Variants in CLVS1 observed in about 807,000 individuals in gnomAD.
CLVS1 encodes the protein clavesin-1.
In CLVS1, 10 loss-of-function variants were observed where a neutral mutation model predicts 33.1. The observed-to-expected ratio is 0.30, with a 90% CI of 0.19 to 0.51. The LOEUF (loss-of-function observed/expected upper bound fraction) is 0.51. CLVS1 is among the 20% of genes least tolerant of loss of function. The pLI, the probability that CLVS1 is intolerant of heterozygous loss-of-function variation, is 0.97. For missense variants in CLVS1, 343 were observed against 433.4 expected (o/e 0.79, Z 1.85); for synonymous variants, 163 against 166.1 (o/e 0.98, Z 0.14).
At chr8:60,965,519 T>C in the CLVS1 span, among the ~76,000 whole-genome samples, 4 of 151,794 alleles carry the variant, frequency 2.6e-5, no homozygotes, top group South Asian at 8.4e-4. Context: ...TAGATGACAG[T>C]GGAAGAGCAC....
At chr8:61,399,887 G>T (rs928598864) in intron 3 of CLVS1, among the ~76,000 whole-genome samples, 1 of 152,124 alleles carries the variant, frequency 6.6e-6, no homozygotes, top group Non-Finnish European at 1.5e-5. Context: ...ATGTTCCATT[G>T]CTCTATGTGT....
the CLVS1 span, among the ~76,000 whole-genome samples, chr8:61,008,545 C>T: frequency 6.6e-6 from 1 of 151,240 alleles, no homozygotes; most frequent in African/African-American, 2.4e-5. Context: ...TAGCTCACTG[C>T]AGCCTCAAAC....
intron 2 of CLVS1, among the ~76,000 whole-genome samples, chr8:61,178,234 A>G (rs1017857066): frequency 2.0e-5 from 3 of 152,194 alleles, no homozygotes; most frequent in African/African-American, 7.2e-5. Context: ...GATCAAGTGG[A>G]AGAAAGAATA....
At chr8:61,036,004 C>T in the CLVS1 span, among the ~76,000 whole-genome samples, 2 of 152,138 alleles carry the variant, frequency 1.3e-5, no homozygotes, top group Non-Finnish European at 2.9e-5. Context: ...CCTATAGCTT[C>T]TTTCTCCACT....
intron 4 of CLVS1, among the ~76,000 whole-genome samples, chr8:61,454,615 A>G (rs1420541873): frequency 1.3e-5 from 2 of 152,212 alleles, no homozygotes; most frequent in Non-Finnish European, 2.9e-5. Flanking sequence ...CAAATGTATT[A>G]GTGCTATGAA....
At chr8:61,473,658 G>A (rs1211658251) in intron 5 of CLVS1, among the ~76,000 whole-genome samples, 1 of 152,194 alleles carries the variant, frequency 6.6e-6, no homozygotes, top group Non-Finnish European at 1.5e-5. Flanking sequence ...TTGGAGTGCT[G>A]AGCGTGGAGG....
At chr8:61,118,709 T>C (rs948562466) in intron 1 of CLVS1, among the ~76,000 whole-genome samples, 1 of 152,062 alleles carries the variant, frequency 6.6e-6, no homozygotes, top group Non-Finnish European at 1.5e-5. Flanking sequence ...TCCTGAGTTC[T>C]AGTTTGATTG....
chr8:60,997,466 T>C, the CLVS1 span, among the ~76,000 whole-genome samples: 17 of 152,352 alleles, frequency 1.1e-4, no homozygotes, highest in East Asian at 3.3e-3. Context: ...TCTATATGCA[T>C]GCACATATAT....
intron 2 of CLVS1, among the ~76,000 whole-genome samples, chr8:61,373,859 G>A (rs780511252): frequency 2.6e-5 from 4 of 152,152 alleles, no homozygotes; most frequent in Non-Finnish European, 4.4e-5. Context: ...ATCTAGGCTG[G>A]GTTCAACTAG....
chr8:61,206,531 C>T (rs1012959535), intron 2 of CLVS1, among the ~76,000 whole-genome samples: 2 of 152,122 alleles, frequency 1.3e-5, no homozygotes, highest in African/African-American at 2.4e-5. Context: ...CCAGATTAGA[C>T]TCCCTTGTTA....
intron 1 of CLVS1, among the ~76,000 whole-genome samples, chr8:61,111,484 G>A (rs1329128767): frequency 5.9e-5 from 9 of 152,142 alleles, no homozygotes; most frequent in Non-Finnish European, 1.3e-4. Context: ...AAAGGAAACT[G>A]AAATCAGCAT....
intron 1 of CLVS1, among the ~76,000 whole-genome samples, chr8:61,127,218 T>G (rs1805992388): frequency 6.9e-6 from 1 of 145,486 alleles, no homozygotes; most frequent in Admixed American, 6.8e-5. Context: ...AGATCAAGCT[T>G]TTTTTTTTTT....
At chr8:60,965,598 G>A in the CLVS1 span, among the ~76,000 whole-genome samples, 1 of 152,126 alleles carries the variant, frequency 6.6e-6, no homozygotes, top group African/African-American at 2.4e-5. Context: ...CCAGGCCGCT[G>A]GGCCACACAG....
chr8:61,393,936 TGTTG>T (rs1325352661), intron 3 of CLVS1, among the ~76,000 whole-genome samples: 2 of 152,236 alleles, frequency 1.3e-5, no homozygotes, highest in African/African-American at 4.8e-5. Context: ...TTAGCCAGGA[TGTTG>T]CAGGCAATGG....
intron 3 of CLVS1, chr8:61,391,303 A>C (rs1439108385): frequency 6.6e-6 from 1 of 152,208 alleles, no homozygotes; most frequent in Non-Finnish European, 1.5e-5. Flanking sequence ...TATTTATTCA[A>C]CTTACCATGT....
intron 2 of CLVS1, among the ~76,000 whole-genome samples, chr8:61,241,501 C>T (rs186507492): frequency 1.3e-5 from 2 of 151,872 alleles, no homozygotes; most frequent in African/African-American, 4.8e-5. Context: ...TCACAGTTCA[C>T]TTAGGGTTAA....
intron 2 of CLVS1, among the ~76,000 whole-genome samples, chr8:61,259,758 G>A (rs1356996894): frequency 6.6e-6 from 1 of 152,236 alleles, no homozygotes; most frequent in East Asian, 1.9e-4. Flanking sequence ...TGAACATTGT[G>A]AAGAATTTCA....
chr8:61,226,578 T>C, intron 2 of CLVS1, among the ~76,000 whole-genome samples: 1 of 152,232 alleles, frequency 6.6e-6, no homozygotes. Flanking sequence ...ATCCTCCACT[T>C]TGTATCTTGA....
chr8:61,172,607 C>G (rs1406149084), intron 2 of CLVS1, among the ~76,000 whole-genome samples: 1 of 152,068 alleles, frequency 6.6e-6, no homozygotes, highest in Non-Finnish European at 1.5e-5. Context: ...AAAATGTGAA[C>G]AGCAAAGCAC....
Sources: gnomAD v4.1 joint callset for allele counts (sites outside exome capture counted in the v4.1 genomes callset) on GRCh38, gnomAD v4.1.1 for gene constraint, MANE v1.5 for transcripts, NCBI Gene and HGNC (gene_info 2026-07-23, HGNC 2026-07-21) for gene names.